Variants in NREP observed in about 807,000 individuals in gnomAD.
NREP encodes neuronal regeneration-related protein.
In NREP, 5 loss-of-function variants were observed where a neutral mutation model predicts 8.6. That is an observed-to-expected ratio of 0.58 (90% CI 0.30 to 1.22). The LOEUF (loss-of-function observed/expected upper bound fraction) is 1.22, where lower values mean the gene tolerates loss of function less well. NREP is among the 50% of genes most tolerant of loss of function. The pLI, the probability that NREP is intolerant of heterozygous loss-of-function variation, is 0.07. For missense variants in NREP, 86 were observed against 82.5 expected (o/e 1.04, Z -0.17); for synonymous variants, 27 against 28.0 (o/e 0.96, Z 0.11).
chr5:111,933,069 T>C (rs562016026), intron 2 of NREP, among the ~76,000 whole-genome samples: 2 of 152,244 alleles, frequency 1.3e-5, no homozygotes, highest in Admixed American at 6.5e-5. Flanking sequence ...TCCTTAGCAT[T>C]ATAACTTTGA....
At chr5:111,755,641 G>T in intron 2 of NREP, 129 bp downstream of exon 2, 1 of 1,027,646 alleles carries the variant, frequency 9.7e-7, no homozygotes, top group Non-Finnish European at 1.5e-6. Context: ...ACTGGAGATA[G>T]AACCTTTTAA....
rs1283000615 is a variant in NREP at position 111,729,538 on chromosome 5, A to C, written c.*1383T>G. 2 of 152,714 alleles carry C rather than the reference A, an allele frequency of 1.3e-5. No homozygotes were observed. The highest frequency in any genetic ancestry group is 2.9e-5 in the Non-Finnish European group (2 of 68,088). 9.5% of individuals were successfully genotyped at this position (152,714 alleles called of 1,614,324 possible). The stretch of plus-strand genomic sequence containing the variant: ...GGAGGGAGAGGAGTAATGCACAAGA[A>C]ACTCAGGCCAATGGGGGAGCAAGAA... On this transcript the variant is annotated 3_prime_UTR_variant, in exon 4 of 4. Transcript: ENST00000257435.
At chr5:111,871,472 A>G (rs147896366) in intron 2 of NREP, among the ~76,000 whole-genome samples, 300 of 152,240 alleles carry the variant, frequency 2.0e-3, no homozygotes, top group Middle Eastern at 3.4e-3. Flanking sequence ...ACTACTGTAG[A>G]TAGTAGACTT....
At chr5:111,895,677 C>G (rs1319471186) in intron 2 of NREP, among the ~76,000 whole-genome samples, 3 of 152,126 alleles carry the variant, frequency 2.0e-5, no homozygotes, top group African/African-American at 7.2e-5. Flanking sequence ...CCAAATAATT[C>G]TGTGCTGCAG....
At chr5:111,763,614 T>C (rs1321222047) in intron 2 of NREP, among the ~76,000 whole-genome samples, 5 of 152,246 alleles carry the variant, frequency 3.3e-5, no homozygotes, top group Admixed American at 3.3e-4. Flanking sequence ...ACAGACCATA[T>C]GAAACACATT....
intron 2 of NREP, among the ~76,000 whole-genome samples, chr5:111,825,653 A>T (rs1294471562): frequency 6.6e-6 from 1 of 152,196 alleles, no homozygotes; most frequent in African/African-American, 2.4e-5. Context: ...TGTAGGTAGG[A>T]AAAATGCTCA....
At chr5:111,906,614 G>C (rs755894951) in intron 2 of NREP, among the ~76,000 whole-genome samples, 1 of 152,068 alleles carries the variant, frequency 6.6e-6, no homozygotes, top group Non-Finnish European at 1.5e-5. Flanking sequence ...CCCTTTGGCA[G>C]AGTTAACTGC....
At chr5:111,786,721 C>A (rs1426258742) in intron 2 of NREP, among the ~76,000 whole-genome samples, 1 of 152,134 alleles carries the variant, frequency 6.6e-6, no homozygotes, top group Non-Finnish European at 1.5e-5. Context: ...CTAAAGACAG[C>A]ACTTTCAGGG....
chr5:111,774,685 C>A (rs1052139818), intron 2 of NREP, among the ~76,000 whole-genome samples: 6 of 152,138 alleles, frequency 3.9e-5, no homozygotes, highest in African/African-American at 1.2e-4. Context: ...GAAATGGGGC[C>A]CTCGGCCTTG....
chr5:111,908,741 G>A (rs760601035), intron 2 of NREP, among the ~76,000 whole-genome samples: 1 of 151,908 alleles, frequency 6.6e-6, no homozygotes, highest in East Asian at 1.9e-4. Context: ...AAACATACAC[G>A]TGAATGTATC....
chr5:111,936,490 A>T (rs192192679), intron 2 of NREP, among the ~76,000 whole-genome samples: 61 of 152,220 alleles, frequency 4.0e-4, no homozygotes, highest in African/African-American at 1.2e-3. Flanking sequence ...AGTCTCAGGT[A>T]GTTTCTTAAT....
At position 111,782,922 on chromosome 5, in the gene NREP, A is replaced by C. The variant is rs143345677; in HGVS notation, c.136-47415T>G. Among the ~76,000 whole-genome samples the C allele has an allele frequency of 5.8e-3, 888 of 152,072 alleles. 6 individuals are homozygous for C. The highest frequency in any genetic ancestry group is 0.02 in the African/African-American group (830 of 41,480). ...GCTAATTTTTGTATTTAAACGAGAC[A>C]AGGTTTCGCTATGTTGGCCAGGCTG... is the stretch of plus-strand genomic sequence containing the variant. On this transcript the variant is annotated intron_variant, in intron 2 of 3. Transcript: ENST00000395634.
intron 2 of NREP, among the ~76,000 whole-genome samples, chr5:111,886,161 G>A (rs528373550): frequency 6.6e-6 from 1 of 152,230 alleles, no homozygotes; most frequent in South Asian, 2.1e-4. Context: ...AGTGGGCAAA[G>A]GACATGAACA....
chr5:111,892,018 A>G (rs1244866806), intron 2 of NREP, among the ~76,000 whole-genome samples: 1 of 152,232 alleles, frequency 6.6e-6, no homozygotes, highest in Non-Finnish European at 1.5e-5. Flanking sequence ...AATGCATTCT[A>G]TGAGACACTA....
At chr5:111,953,616 C>T (rs1756227694) in intron 2 of NREP, among the ~76,000 whole-genome samples, 5 of 152,056 alleles carry the variant, frequency 3.3e-5, no homozygotes, top group Admixed American at 2.6e-4. Flanking sequence ...GACATGGTCC[C>T]TGCCCTCAAA....
chr5:111,735,675 G>C (rs767989702), intron 2 of NREP, among the ~76,000 whole-genome samples, 168 bp from the exon 3 acceptor site: 3 of 152,192 alleles, frequency 2.0e-5, no homozygotes, highest in Non-Finnish European at 4.4e-5. Flanking sequence ...GTGTGCTTCT[G>C]AACACGCACT....
intron 2 of NREP, among the ~76,000 whole-genome samples, chr5:111,969,207 A>C (rs1317693132): frequency 1.3e-5 from 2 of 152,224 alleles, no homozygotes; most frequent in African/African-American, 4.8e-5. Context: ...AAAAATATTG[A>C]ACTTGTGCTC....
At chr5:111,852,680 G>A (rs1015604285) in intron 2 of NREP, among the ~76,000 whole-genome samples, 1 of 152,070 alleles carries the variant, frequency 6.6e-6, no homozygotes, top group Non-Finnish European at 1.5e-5. Flanking sequence ...GGGTGTGTAT[G>A]TATTTTACTA....
intron 2 of NREP, among the ~76,000 whole-genome samples, chr5:111,934,192 G>C (rs1403896095): frequency 6.6e-6 from 1 of 152,038 alleles, no homozygotes; most frequent in African/African-American, 2.4e-5. Context: ...GGTGAATGTT[G>C]TCTCAAGATA....
Sources: gnomAD v4.1 joint callset for allele counts (sites outside exome capture counted in the v4.1 genomes callset) on GRCh38, gnomAD v4.1.1 for gene constraint, MANE v1.5 for transcripts, NCBI Gene and HGNC (gene_info 2026-07-23, HGNC 2026-07-21) for gene names.